The following MINPP1 variants were observed in gnomAD, a reference collection of about 807,000 sequenced individuals.
MINPP1 encodes multiple inositol polyphosphate phosphatase 1.
Under a neutral mutation model 46.1 loss-of-function variants are expected in MINPP1, and 28 were observed. The ratio of observed to expected loss-of-function variants is 0.61; its 90% CI spans 0.45 to 0.83. MINPP1 has a LOEUF of 0.83. Among genes scored for constraint, MINPP1 ranks in the 40% least tolerant of loss-of-function variants. The pLI is 0.00. For synonymous variants in MINPP1, 268 were observed against 249.1 expected (o/e 1.08, Z -0.72); for missense variants, 603 against 610.0 (o/e 0.99, Z 0.12).
intron 4 of MINPP1, among the ~76,000 whole-genome samples, chr10:87,535,759 C>T (rs1354391530): frequency 6.6e-6 from 1 of 151,556 alleles, no homozygotes; most frequent in Non-Finnish European, 1.5e-5. Flanking sequence ...TAATCCCTAC[C>T]TCTACAAAAG....
chr10:87,550,930 T>G (rs1851953617), intron 4 of MINPP1, among the ~76,000 whole-genome samples: 1 of 151,984 alleles, frequency 6.6e-6, no homozygotes, highest in African/African-American at 2.4e-5. Context: ...GACTAAATAC[T>G]TCCCAATTTC....
intron 4 of MINPP1, among the ~76,000 whole-genome samples, chr10:87,532,048 TG>T (rs1368271036): frequency 1.3e-5 from 2 of 152,224 alleles, no homozygotes; most frequent in Non-Finnish European, 2.9e-5. Context: ...GATAGTTCTC[TG>T]GCCCAAACAT....
Position 87,552,703 on chromosome 10 carries a change from C to T in MINPP1, c.*225C>T. Reference sequence around the variant, plus strand: ...GGAGAAACAAATCTATTTAGAGAAACAGCTGGCCCTGCAAATGTTTACAGA... The same window carrying T: ...GGAGAAACAAATCTATTTAGAGAAATAGCTGGCCCTGCAAATGTTTACAGA... On this transcript the variant is annotated 3_prime_UTR_variant, in exon 5 of 5. Coordinates refer to ENST00000371996, the MANE Select transcript of MINPP1 (RefSeq NM_004897.5). 1 of 521,812 alleles carries T rather than the reference C, an allele frequency of 1.9e-6. No individual in the cohort carries two copies. Among genetic ancestry groups the T allele is most frequent in the Admixed American group, 3.5e-5 (1 of 28,966 alleles). The allele number at this position is 521,812 out of a possible 1,614,324, so 32.3% of individuals were successfully genotyped here. A position where few individuals can be genotyped will look rare whatever the true frequency, so the allele number is the denominator to read the frequency against.
At chr10:87,522,826 A>T (rs1447106352) in intron 4 of MINPP1, among the ~76,000 whole-genome samples, 1 of 152,194 alleles carries the variant, frequency 6.6e-6, no homozygotes, top group African/African-American at 2.4e-5. Flanking sequence ...TCTCTGTAAC[A>T]CATGATGCCG....
chr10:87,506,405 A>T (rs1851251474), intron 1 of MINPP1, among the ~76,000 whole-genome samples: 1 of 152,148 alleles, frequency 6.6e-6, no homozygotes, highest in South Asian at 2.1e-4. Context: ...ATGATAGCAT[A>T]CACCTCATGC....
chr10:87,533,789 G>A (rs1396657356), intron 4 of MINPP1, among the ~76,000 whole-genome samples: 1 of 151,826 alleles, frequency 6.6e-6, no homozygotes, highest in African/African-American at 2.4e-5. Context: ...TTAAAGCTGT[G>A]TAGTCCCATA....
intron 2 of MINPP1, among the ~76,000 whole-genome samples, chr10:87,509,993 A>G (rs1001748151): frequency 3.9e-5 from 6 of 152,236 alleles, no homozygotes; most frequent in Admixed American, 3.9e-4. Flanking sequence ...TGGAAGCAGT[A>G]TTAAGTATAG....
At chr10:87,514,808 C>T (rs776642026) in intron 3 of MINPP1, among the ~76,000 whole-genome samples, 2 of 151,956 alleles carry the variant, frequency 1.3e-5, no homozygotes, top group Non-Finnish European at 2.9e-5. Context: ...CTCTGCCTCC[C>T]GGATTCAAGT....
chr10:87,551,867 G>C (rs1017662639), intron 4 of MINPP1, among the ~76,000 whole-genome samples: 3 of 152,004 alleles, frequency 2.0e-5, no homozygotes, highest in Non-Finnish European at 4.4e-5. Context: ...ACAGTACAGT[G>C]ATCTGAATTT....
intron 4 of MINPP1, among the ~76,000 whole-genome samples, chr10:87,538,206 T>C (rs902651429): frequency 6.6e-6 from 1 of 152,040 alleles, no homozygotes; most frequent in Non-Finnish European, 1.5e-5. Flanking sequence ...AGCTGAAAAT[T>C]TGAGGGAGCC....
At position 87,533,743 on chromosome 10, in the gene MINPP1, T is replaced by A. The variant is rs1851692284; in HGVS notation, c.1067+12574T>A. 2.0e-5 allele frequency among the ~76,000 whole-genome samples: 3 copies of A among 152,192 alleles called. No individual in the cohort carries two copies. In the South Asian group the frequency reaches 6.2e-4, roughly 31 times the overall value. ...TTTTTGTTGGGTTTCAAATCATTGATATTTTCAGATTTCATAGTCTATAAG... is the reference window on the plus strand; with the variant it reads ...TTTTTGTTGGGTTTCAAATCATTGAAATTTTCAGATTTCATAGTCTATAAG... On this transcript the variant is annotated intron_variant, in intron 4 of 4. Coordinates refer to ENST00000371996, the MANE Select transcript of MINPP1 (RefSeq NM_004897.5).
intron 4 of MINPP1, among the ~76,000 whole-genome samples, chr10:87,542,612 T>G (rs1851831812): frequency 1.3e-5 from 2 of 152,184 alleles, no homozygotes; most frequent in Non-Finnish European, 2.9e-5. Flanking sequence ...TCTTTAAATC[T>G]TAAAGCTTCA....
In MINPP1 at chr10:87,533,656, A is replaced by G. The variant is rs549605202; in HGVS notation, c.1067+12487A>G. 6.6e-4 allele frequency among the ~76,000 whole-genome samples: 100 copies of G among 152,316 alleles called. 1 individual carries two copies. The highest frequency in any genetic ancestry group is 1.2e-3 in the Admixed American group (18 of 15,298). On this transcript the variant is annotated intron_variant, in intron 4 of 4. Coordinates refer to ENST00000371996, the MANE Select transcript of MINPP1 (RefSeq NM_004897.5). Reference sequence around the variant, plus strand: ...GATCTTCCATTTTAAGTTAATTACTATAAAATATTTTTTACTGTTACTAAA... The same window carrying G: ...GATCTTCCATTTTAAGTTAATTACTGTAAAATATTTTTTACTGTTACTAAA...
chr10:87,549,643 C>T (rs1851934999), intron 4 of MINPP1, among the ~76,000 whole-genome samples: 1 of 152,070 alleles, frequency 6.6e-6, no homozygotes, highest in South Asian at 2.1e-4. Flanking sequence ...ATATCTTGTC[C>T]CCAGTTTATT....
At chr10:87,512,676 T>C (rs1851352573) in intron 2 of MINPP1, among the ~76,000 whole-genome samples, 1 of 152,218 alleles carries the variant, frequency 6.6e-6, no homozygotes, top group African/African-American at 2.4e-5. Context: ...TAGCAAGTCC[T>C]TGGGTTATAC....
chr10:87,545,919 A>G (rs1417973022), intron 4 of MINPP1, among the ~76,000 whole-genome samples: 1 of 152,226 alleles, frequency 6.6e-6, no homozygotes, highest in Non-Finnish European at 1.5e-5. Flanking sequence ...GTCTTTGTTC[A>G]TCTGCTTAGA....
chr10:87,539,391 A>G (rs1255520796), intron 4 of MINPP1, among the ~76,000 whole-genome samples: 1 of 152,232 alleles, frequency 6.6e-6, no homozygotes, highest in Admixed American at 6.5e-5. Flanking sequence ...TACTTCTGCC[A>G]AGAGTCTCAA....
intron 3 of MINPP1, among the ~76,000 whole-genome samples, chr10:87,515,935 C>T (rs905756212): frequency 1.3e-5 from 2 of 150,752 alleles, no homozygotes; most frequent in Non-Finnish European, 2.9e-5. Flanking sequence ...TTCAAGCAGT[C>T]CTCCTGCCTC....
intron 2 of MINPP1, chr10:87,509,644 T>C (rs1851306650): frequency 4.2e-6 from 1 of 239,708 alleles, no homozygotes; most frequent in Non-Finnish European, 8.9e-6. Flanking sequence ...CCAGTGGTAA[T>C]TGTTGTCATG....
Sources: allele counts gnomAD v4.1 joint callset (sites outside exome capture counted in the v4.1 genomes callset), GRCh38; gene constraint gnomAD v4.1.1; transcripts MANE v1.5; gene names NCBI Gene and HGNC (gene_info 2026-07-23, HGNC 2026-07-21).